The following ZBTB7A variants were observed in gnomAD, a reference collection of about 807,000 sequenced individuals.
ZBTB7A encodes the protein zinc finger and BTB domain-containing protein 7A.
In ZBTB7A, 7 loss-of-function variants were observed where a neutral mutation model predicts 26.7. The observed-to-expected ratio is 0.26, with a 90% confidence interval of 0.15 to 0.49. The LOEUF (loss-of-function observed/expected upper bound fraction) is 0.49, where lower values mean the gene tolerates loss of function less well. Among genes scored for constraint, ZBTB7A ranks in the 20% least tolerant of loss-of-function variants. ZBTB7A has a pLI of 0.98. For missense variants in ZBTB7A, 617 were observed against 919.5 expected (o/e 0.67, Z 4.25); for synonymous variants, 452 against 441.0 (o/e 1.02, Z -0.31).
intron 1 of ZBTB7A, chr19:4,065,314 C>G (rs906741669): frequency 6.8e-6 from 1 of 147,608 alleles, no homozygotes. Flanking sequence ...CCACCCGGGG[C>G]TGAGTCAGGC....
rs1318241947 is a variant in ZBTB7A at position 4,049,190 on chromosome 19, ATATATATATATATATATATGT to A, written c.1263-967_1263-947del. Among the ~76,000 whole-genome samples the A allele has an allele frequency of 5.8e-4, 18 of 31,020 alleles. 4 individuals are homozygous for A. In the East Asian group the frequency reaches 0.031, roughly 54 times the overall value. 20.4% of individuals were successfully genotyped at this position (31,020 alleles called of 152,430 possible). On this transcript the variant is annotated intron_variant, in intron 2 of 2. Transcript: ENST00000322357. Reference sequence around the variant, plus strand: ...TGTGTATATATATATATATATATATATATATATATATATATATATGTAAGTTTGAGAGATGGGGGTTGAGCT... The same window carrying A: ...TGTGTATATATATATATATATATATAAAGTTTGAGAGATGGGGGTTGAGCT...
Position 4,054,689 on chromosome 19 carries a change from T to TGGCAGC in ZBTB7A, c.538_543dup (p.Ala180_Ala181dup), listed in dbSNP as rs2040553238. The TGGCAGC allele has an allele frequency of 6.3e-7, 1 of 1,592,092 alleles. No individual in the cohort carries two copies. The highest frequency in any genetic ancestry group is 8.5e-7 in the Non-Finnish European group (1 of 1,169,624). ...GCCCCAAAGGCGGACCACGGGAAGC[T>TGGCAGC]GGCAGCGGCGGCGGCGGCCGCGGGG... is the stretch of plus-strand genomic sequence containing the variant. On this transcript the variant is annotated inframe_insertion, in exon 2 of 3. Coordinates refer to ENST00000322357, the MANE Select transcript of ZBTB7A (RefSeq NM_015898.4).
In ZBTB7A at chr19:4,058,549, GC is replaced by G. The variant is rs542074847; in HGVS notation, c.-15-3303del. 5.9e-5 allele frequency among the ~76,000 whole-genome samples: 9 copies of G among 152,236 alleles called. No individual in the cohort carries two copies. The South Asian group carries it at 1.7e-3, about 28-fold the overall frequency. On this transcript the variant is annotated intron_variant, in intron 1 of 2. Coordinates refer to ENST00000322357, the MANE Select transcript of ZBTB7A (RefSeq NM_015898.4). ...CGCCCTCTCCTGGGAGCCCCTGGCG[GC>G]CCCGAGTCACCCAGCACAGCTCACA...
At position 4,046,497 on chromosome 19, in the gene ZBTB7A, T is replaced by G. The variant is rs2040420515; in HGVS notation, c.*1255A>C. 1 of 153,606 alleles carries G rather than the reference T, an allele frequency of 6.5e-6. No individual in the cohort carries two copies. Among genetic ancestry groups the G allele is most frequent in the South Asian group, 2.1e-4 (1 of 4,806 alleles). 9.5% of individuals were successfully genotyped at this position (153,606 alleles called of 1,614,324 possible). On this transcript the variant is annotated 3_prime_UTR_variant, in exon 3 of 3. Coordinates refer to ENST00000322357, the MANE Select transcript of ZBTB7A (RefSeq NM_015898.4). ...GTTGGTTGTAACTTGTAAACATGTT[T>G]TTAAATTAAGAATTAAGATAAAGTG...
intron 1 of ZBTB7A, among the ~76,000 whole-genome samples, chr19:4,060,501 C>T (rs2040627770): frequency 6.6e-6 from 1 of 152,248 alleles, no homozygotes; most frequent in Non-Finnish European, 1.5e-5. Context: ...GGTGAGGCGG[C>T]CCAGTCGAGG....
chr19:4,050,543 A>C (rs566475896), intron 2 of ZBTB7A, among the ~76,000 whole-genome samples: 7 of 152,304 alleles, frequency 4.6e-5, no homozygotes, highest in African/African-American at 1.7e-4. Context: ...TCACCATATC[A>C]GTGGGGTGCC....
Position 4,052,187 on chromosome 19 carries a change from T to C in ZBTB7A, c.1262+1784A>G, listed in dbSNP as rs1334873297. ...ATAGCCAGCAGTGCCCGAGTCAGAA[T>C]GAAACCGGGCCTGTGGCCTGCGGCC... On this transcript the variant is annotated intron_variant, in intron 2 of 2. Transcript: ENST00000322357. The surrounding 1 kb of genome is among the most constrained non-coding windows in gnomAD (Gnocchi z 4.9). Among the ~76,000 whole-genome samples, 2 of 152,008 alleles carry C rather than the reference T, an allele frequency of 1.3e-5. No homozygotes were observed. Among genetic ancestry groups the C allele is most frequent in the Non-Finnish European group, 2.9e-5 (2 of 67,986 alleles).
chr19:4,061,297 T>C (rs980366144), intron 1 of ZBTB7A, among the ~76,000 whole-genome samples: 14 of 151,818 alleles, frequency 9.2e-5, no homozygotes, highest in African/African-American at 3.4e-4. Flanking sequence ...CCAGAGAGGG[T>C]GGGCGGCCGG....
Position 4,048,401 on chromosome 19 carries a change from C to T in ZBTB7A, c.1263-157G>A, listed in dbSNP as rs2040452126. Reference sequence around the variant, plus strand: ...CGGTGCCCCGATGGGGACGGTCCCTCGAAAAACGAGACGAGTGGGGGCGAT... The same window carrying T: ...CGGTGCCCCGATGGGGACGGTCCCTTGAAAAACGAGACGAGTGGGGGCGAT... On this transcript the variant is annotated intron_variant, in intron 2 of 2. Transcript: ENST00000322357. This position sits in a 1 kb window ranked among gnomAD's most constrained non-coding sequence, Gnocchi z 6.7. Among the ~76,000 whole-genome samples the T allele has an allele frequency of 6.6e-6, 1 of 152,158 alleles. No homozygotes were observed. Among genetic ancestry groups the T allele is most frequent in the Non-Finnish European group, 1.5e-5 (1 of 68,036 alleles).
Position 4,048,098 on chromosome 19 carries a change from C to T in ZBTB7A, c.1409G>A (p.Ser470Asn), listed in dbSNP as rs1178338620. The T allele has an allele frequency of 8.7e-6, 14 of 1,610,424 alleles. No individual in the cohort carries two copies. Among genetic ancestry groups the T allele is most frequent in the African/African-American group, 1.3e-5 (1 of 74,720 alleles). ...HTGLRPYQCD[S>N]CCKTFVRSDH... ...GGAGCGGACGAAGGTCTTGCAGCAG[C>T]TGTCGCACTGGTAGGGGCGCAGGCC... Residue 470 changes from serine to asparagine, a missense_variant, in exon 3 of 3, where the codon AGC becomes AAC. By Grantham distance (46) the Ser-to-Asn change is conservative (BLOSUM62 1). Coordinates refer to ENST00000322357, the MANE Select transcript of ZBTB7A (RefSeq NM_015898.4). This position sits in a 1 kb window ranked among gnomAD's most constrained non-coding sequence, Gnocchi z 6.7.
Position 4,047,826 on chromosome 19 carries a change from C to T in ZBTB7A, c.1681G>A (p.Ala561Thr), listed in dbSNP as rs558104461. 22 of 1,605,366 alleles carry T rather than the reference C, an allele frequency of 1.4e-5. No homozygotes were observed. Among genetic ancestry groups the T allele is most frequent in the East Asian group, 2.3e-5 (1 of 43,996 alleles). Residue 561 changes from alanine (A) to threonine (T), a missense_variant, in exon 3 of 3, where the codon GCC becomes ACC. Physicochemically the swap from Ala to Thr is moderately conservative, Grantham distance 58. Around this residue, in one of 5 missense-constraint regions of ZBTB7A, gnomAD observed 136 missense variants for 126.6 expected, o/e 1.07. Coordinates refer to ENST00000322357, the MANE Select transcript of ZBTB7A (RefSeq NM_015898.4). Reference sequence around the variant, plus strand: ...CCTCCGCTGTCACCTCCTCCACCGGCGCCCGCTACATTCAACCGGCCCAAG... The same window carrying T: ...CCTCCGCTGTCACCTCCTCCACCGGTGCCCGCTACATTCAACCGGCCCAAG... ...DGLGRLNVAG[A>T]GGGGDSGGGP...
chr19:4,063,989 G>A (rs910823938), intron 1 of ZBTB7A, among the ~76,000 whole-genome samples: 1 of 152,206 alleles, frequency 6.6e-6, no homozygotes, highest in Non-Finnish European at 1.5e-5. Flanking sequence ...AGGGACTCAA[G>A]GAAAGAAAAG....
In ZBTB7A at chr19:4,057,347, AAAAT is replaced by A. The variant is rs572972931; in HGVS notation, c.-15-2104_-15-2101del. ...AACAAGAGCGAAACTCCGTGTTGGA[AAAAT>A]AAATAAATAAGGAAAGGGCACTCTG... On this transcript the variant is annotated intron_variant, in intron 1 of 2. Coordinates refer to ENST00000322357, the MANE Select transcript of ZBTB7A (RefSeq NM_015898.4). Among the ~76,000 whole-genome samples the A allele has an allele frequency of 1.7e-3, 258 of 152,302 alleles. 1 individual carries two copies. Among genetic ancestry groups the A allele is most frequent in the African/African-American group, 5.7e-3 (239 of 41,574 alleles).
rs770385730 is a variant in ZBTB7A at position 4,055,179 on chromosome 19, G to A, written c.54C>T (p.Ser18=). The change falls in exon 2 of 3, where the codon AGC becomes AGT. Residue 18 remains serine, a synonymous_variant. Coordinates refer to ENST00000322357, the MANE Select transcript of ZBTB7A (RefSeq NM_015898.4). ...GCTCGTTCAGCCCACTCAGGATGTC[G>A]CTGCTGTGGTCGGGGAACGGGATCC... ...PIGIPFPDHS[S]DILSGLNEQR... The A allele has an allele frequency of 3.8e-6, 6 of 1,596,438 alleles. No individual in the cohort carries two copies. The highest frequency in any genetic ancestry group is 4.5e-5 in the East Asian group (2 of 44,622).
chr19:4,060,186 C>T (rs1265573560), intron 1 of ZBTB7A, among the ~76,000 whole-genome samples: 3 of 152,142 alleles, frequency 2.0e-5, no homozygotes, highest in Admixed American at 1.3e-4. Flanking sequence ...CGCCCTCCTC[C>T]CCCCGGGCCA....
chr19:4,054,822 G>T lies in ZBTB7A; in HGVS notation c.411C>A (p.Gly137=). 6.3e-7 allele frequency: 1 copy of T among 1,598,480 alleles called. No individual in the cohort carries two copies. Among genetic ancestry groups the T allele is most frequent in the South Asian group, 1.1e-5 (1 of 89,336 alleles). ...CAAGGTCCAGCTGCCCGGCGTCGGCGCCCGCGTCGGCCGCCAGGATCTGCC... is the reference window on the plus strand; with the variant it reads ...CAAGGTCCAGCTGCCCGGCGTCGGCTCCCGCGTCGGCCGCCAGGATCTGCC... ...LDRQILAADA[G]ADAGQLDLVD... The change falls in exon 2 of 3, where the codon GGC becomes GGA. Residue 137 remains glycine (G), a synonymous_variant. Transcript: ENST00000322357.
rs1186333792 is a variant in ZBTB7A, at chr19:4,049,166, G to GTATATATATA, written c.1263-923_1263-922insTATATATATA. ...AAACTATATGTGTGTGTGTGTGTGT[G>GTATATATATA]TGTATATATATATATATATATATAT... On this transcript the variant is annotated intron_variant, in intron 2 of 2. Coordinates refer to ENST00000322357, the MANE Select transcript of ZBTB7A (RefSeq NM_015898.4). Among the ~76,000 whole-genome samples the GTATATATATA allele has an allele frequency of 2.6e-3, 35 of 13,472 alleles. 1 individual carries two copies. The highest frequency in any genetic ancestry group is 3.6e-3 in the Non-Finnish European group (24 of 6,654). The allele number at this position is 13,472 out of a possible 152,430, so 8.8% of individuals were successfully genotyped here. A position where few individuals can be genotyped will look rare whatever the true frequency, so the allele number is the denominator to read the frequency against.
At position 4,052,602 on chromosome 19, in the gene ZBTB7A, C is replaced by T. The variant is rs1254223893; in HGVS notation, c.1262+1369G>A. ...CTTTCTTCAGCCTCGGTGGGCGTGG[C>T]TGGGGGAACCCCAGGGCGGGCGGGG... On this transcript the variant is annotated intron_variant, in intron 2 of 2. Coordinates refer to ENST00000322357, the MANE Select transcript of ZBTB7A (RefSeq NM_015898.4). The surrounding 1 kb of genome is among the most constrained non-coding windows in gnomAD (Gnocchi z 4.9). Among the ~76,000 whole-genome samples the T allele has an allele frequency of 1.3e-5, 2 of 151,036 alleles. No individual in the cohort carries two copies. Among genetic ancestry groups the T allele is most frequent in the African/African-American group, 2.4e-5 (1 of 41,104 alleles).
chr19:4,058,858 T>TC (rs1254864306), intron 1 of ZBTB7A, among the ~76,000 whole-genome samples: 1 of 152,062 alleles, frequency 6.6e-6, no homozygotes, highest in Admixed American at 6.5e-5. Flanking sequence ...GCCACCACGC[T>TC]CCCCAGGCCC....
Sources: gnomAD v4.1 joint callset for allele counts (sites outside exome capture counted in the v4.1 genomes callset) on GRCh38, gnomAD v4.1.1 for gene constraint, gnomAD v4.1.1 regional missense constraint, Gnocchi (gnomAD v3.1) non-coding constraint, MANE v1.5 for transcripts, NCBI Gene and HGNC (gene_info 2026-07-23, HGNC 2026-07-21) for gene names.